Variants in LAMC2 observed in about 807,000 individuals in gnomAD.
LAMC2 encodes laminin subunit gamma 2.
A neutral mutation model predicts 140.2 loss-of-function variants in LAMC2; 97 were observed. That is an observed-to-expected ratio of 0.69 (90% CI 0.59 to 0.82). The LOEUF is 0.82. Among genes scored for constraint, LAMC2 ranks in the 40% least tolerant of loss-of-function variants. The pLI is 0.00. For missense variants in LAMC2, 1,402 were observed against 1,476.1 expected (o/e 0.95, Z 0.82); for synonymous variants, 513 against 540.2 (o/e 0.95, Z 0.70).
intron 6 of LAMC2, 112 bp downstream of exon 6, chr1:183,222,323 C>T: frequency 8.4e-7 from 1 of 1,190,770 alleles, no homozygotes; most frequent in Non-Finnish European, 1.3e-6. Flanking sequence ...TTCAGGGTAG[C>T]AGCATCTCCG....
chr1:183,240,319 A>G lies in LAMC2; in HGVS notation c.3256A>G (p.Thr1086Ala). 2 of 1,614,196 alleles carry G rather than the reference A, an allele frequency of 1.2e-6. No homozygotes were observed. Among genetic ancestry groups the G allele is most frequent in the South Asian group, 1.1e-5 (1 of 91,080 alleles). The change falls in exon 22 of 23, where the codon ACC (threonine) becomes GCC (alanine). Residue 1086 changes from threonine (T) to alanine (A), a missense_variant. Physicochemically the swap from Thr to Ala is moderately conservative, Grantham distance 58. Coordinates refer to ENST00000264144, the MANE Select transcript of LAMC2 (RefSeq NM_005562.3). ...GATTACAGAAGCCCAGAAGGTTGATACCAGAGCCAAGAACGCTGGGGTTAC... is the reference window on the plus strand; with the variant it reads ...GATTACAGAAGCCCAGAAGGTTGATGCCAGAGCCAAGAACGCTGGGGTTAC... ...MVITEAQKVD[T>A]RAKNAGVTIQ...
downstream of LAMC2, among the ~76,000 whole-genome samples, chr1:183,247,503 A>G (rs1401283672): frequency 6.6e-6 from 1 of 151,700 alleles, no homozygotes; most frequent in Non-Finnish European, 1.5e-5. Flanking sequence ...GGATGTACAC[A>G]AAGCTGCCAC....
chr1:183,226,234 A>G, intron 8 of LAMC2, among the ~76,000 whole-genome samples: 1 of 150,624 alleles, frequency 6.6e-6, no homozygotes, highest in East Asian at 1.9e-4. Context: ...GCACTCACTC[A>G]CCTAAAAAGG....
intron 18 of LAMC2, among the ~76,000 whole-genome samples, chr1:183,237,927 A>G (rs1009534198): frequency 6.6e-6 from 1 of 152,132 alleles, no homozygotes; most frequent in Non-Finnish European, 1.5e-5. Flanking sequence ...GGAAGAAGTA[A>G]CAGTTGCAGA....
rs1659778681 is a variant in LAMC2, at chr1:183,230,912, C to T, written c.1715-49C>T. On this transcript the variant is annotated intron_variant, in intron 11 of 22. Coordinates refer to ENST00000264144, the MANE Select transcript of LAMC2 (RefSeq NM_005562.3). ...TCCTTGTATCTTTGCTCTACCTCCA[C>T]TTTCTAGACTAGTTTGATGTGAATG... The T allele has an allele frequency of 5.6e-6, 9 of 1,611,312 alleles. No individual in the cohort carries two copies. In the East Asian group the frequency reaches 1.8e-4, roughly 32 times the overall value.
chr1:183,223,374 G>T, intron 7 of LAMC2, 50 bp downstream of exon 7: 1 of 1,514,564 alleles, frequency 6.6e-7, no homozygotes, highest in Non-Finnish European at 9.2e-7. Context: ...TATGATTGAA[G>T]TTCAAGTTTG....
Position 183,216,431 on chromosome 1 carries a change from TCAAGGTCCTG to T in LAMC2, c.404+853_404+862del, listed in dbSNP as rs992261763. ...CCAATTCAGAATGAGATAAAACTTA[TCAAGGTCCTG>T]CAAGGTCCTCCTCCCTCTCCACCCT... On this transcript the variant is annotated intron_variant, in intron 3 of 22. Transcript: ENST00000264144. Among the ~76,000 whole-genome samples the T allele has an allele frequency of 3.9e-5, 6 of 152,298 alleles. No homozygotes were observed. In the East Asian group the frequency reaches 9.7e-4, roughly 25 times the overall value.
At chr1:183,241,214 C>T (rs1198410601) in intron 22 of LAMC2, 1 of 815,676 alleles carries the variant, frequency 1.2e-6, no homozygotes, top group South Asian at 5.6e-5. Context: ...CACCACTGCT[C>T]TCCAGCCTGG....
chr1:183,236,519 T>A lies in LAMC2; in HGVS notation c.2516T>A (p.Ile839Asn), dbSNP rs34419587. 6.2e-7 allele frequency: 1 copy of A among 1,613,284 alleles called. No homozygotes were observed. Among genetic ancestry groups the A allele is most frequent in the African/African-American group, 1.3e-5 (1 of 74,688 alleles). ...ACAAGGGAGGCCACTCAAGCGGAAA[T>A]TGAAGCAGATAGGTCTTATCAGCAC... ...QLTREATQAE[I>N]EADRSYQHSL... The change falls in exon 17 of 23, where the codon ATT (isoleucine) becomes AAT (asparagine). Residue 839 changes from isoleucine to asparagine, a missense_variant. This residue lies in a region of LAMC2 where 670 missense variants were observed against 667.2 expected (regional missense o/e 1.00). Coordinates refer to ENST00000264144, the MANE Select transcript of LAMC2 (RefSeq NM_005562.3).
intron 21 of LAMC2, 25 bp downstream of exon 21, chr1:183,240,223 G>A: frequency 6.2e-7 from 1 of 1,614,206 alleles, no homozygotes; most frequent in Non-Finnish European, 8.5e-7. Flanking sequence ...CTTTCCACGG[G>A]AGATCCCTTT....
chr1:183,235,675 G>T lies in LAMC2; in HGVS notation c.2401G>T (p.Val801Phe). ...GGTGCGCAAGGCCCTGCATGAAGGA[G>T]TCGGAAGCGGAAGCGGTAGCCCGGA... ...SLVRKALHEG[V>F]GSGSGSPDGA... is the part of the protein sequence containing the mutation. Residue 801 changes from valine (V) to phenylalanine (F), a missense_variant, in exon 16 of 23, where the codon GTC (valine) becomes TTC (phenylalanine). Val to Phe is a conservative substitution (Grantham distance 50). This residue lies in a region of LAMC2 where 670 missense variants were observed against 667.2 expected (regional missense o/e 1.00). Transcript: ENST00000264144. 6.2e-7 allele frequency: 1 copy of T among 1,614,240 alleles called. No homozygotes were observed. The highest frequency in any genetic ancestry group is 8.5e-7 in the Non-Finnish European group (1 of 1,180,024).
chr1:183,189,861 T>C (rs1163314423), intron 1 of LAMC2, among the ~76,000 whole-genome samples: 1 of 152,218 alleles, frequency 6.6e-6, no homozygotes, highest in Non-Finnish European at 1.5e-5. Context: ...TTTGAAGCAA[T>C]TGTTCTTCCA....
chr1:183,213,719 G>A (rs1659147536), intron 2 of LAMC2, among the ~76,000 whole-genome samples: 1 of 129,668 alleles, frequency 7.7e-6, no homozygotes, highest in Non-Finnish European at 1.6e-5. Context: ...GGAATCGCTT[G>A]AACCAGGGAG....
At position 183,216,011 on chromosome 1, in the gene LAMC2, T is replaced by G. The variant is rs143177083; in HGVS notation, c.404+423T>G. Among the ~76,000 whole-genome samples the G allele has an allele frequency of 2.0e-4, 30 of 152,300 alleles. No homozygotes were observed. The East Asian group carries it at 4.6e-3, about 23-fold the overall frequency. ...TCTGCATAATCTTGATCCCCTTTAG[T>G]TTGGAATATCCTGTATCCCTGCTCG... is the stretch of plus-strand genomic sequence containing the variant. On this transcript the variant is annotated intron_variant, in intron 3 of 22. Coordinates refer to ENST00000264144, the MANE Select transcript of LAMC2 (RefSeq NM_005562.3).
At chr1:183,195,991 G>A (rs1658501266) in intron 1 of LAMC2, among the ~76,000 whole-genome samples, 1 of 152,092 alleles carries the variant, frequency 6.6e-6, no homozygotes, top group African/African-American at 2.4e-5. Context: ...GAATGTCTCA[G>A]ACTTGAAGAC....
intron 14 of LAMC2, among the ~76,000 whole-genome samples, chr1:183,234,089 G>T (rs928917791): frequency 7.9e-5 from 12 of 152,072 alleles, no homozygotes; most frequent in African/African-American, 2.9e-4. Flanking sequence ...GTTTCACCAT[G>T]TTGGTCAGGC....
At chr1:183,200,020 T>G (rs1322804085) in intron 1 of LAMC2, among the ~76,000 whole-genome samples, 2 of 152,230 alleles carry the variant, frequency 1.3e-5, no homozygotes, top group African/African-American at 4.8e-5. Context: ...CTAAAAAGCA[T>G]GATGATTTCA....
intron 1 of LAMC2, among the ~76,000 whole-genome samples, chr1:183,187,996 G>GTT (rs79600955): frequency 6.6e-6 from 1 of 151,404 alleles, no homozygotes; most frequent in African/African-American, 2.4e-5. Flanking sequence ...ATATATGTGT[G>GTT]TTAGCATTAG....
chr1:183,250,878 G>A, the LAMC2 span: 2 of 152,584 alleles, frequency 1.3e-5, no homozygotes, highest in African/African-American at 4.8e-5. Context: ...GTGTGGTAAA[G>A]AACATTGTCT....
Sources: gnomAD v4.1 joint callset for allele counts (sites outside exome capture counted in the v4.1 genomes callset) on GRCh38, gnomAD v4.1.1 for gene constraint, gnomAD v4.1.1 regional missense constraint, MANE v1.5 for transcripts, NCBI Gene and HGNC (gene_info 2026-07-23, HGNC 2026-07-21) for gene names.